The following SPATA17 variants were observed in gnomAD, a reference collection of about 807,000 sequenced individuals.
SPATA17 encodes the protein spermatogenesis associated 17.
In SPATA17, 53 loss-of-function variants were observed where a neutral mutation model predicts 62.2. The observed-to-expected ratio is 0.85, with a 90% CI of 0.68 to 1.07. The LOEUF is 1.07. Ranked by LOEUF, SPATA17 falls within the 50% of genes least tolerant of loss-of-function variation. The pLI is 0.00. For missense variants in SPATA17, 466 were observed against 425.5 expected, an observed-to-expected ratio of 1.10 and a Z score of -0.84; for synonymous variants, 146 against 146.8, an observed-to-expected ratio of 0.99 and a Z score of 0.04.
chr1:217,851,353 T>C (rs1047097753), intron 9 of SPATA17, among the ~76,000 whole-genome samples: 12 of 152,012 alleles, frequency 7.9e-5, no homozygotes, highest in African/African-American at 2.9e-4. Context: ...GTAAGAAAGC[T>C]CCAGGTTCAC....
chr1:217,763,831 T>A (rs1673233624), intron 6 of SPATA17, among the ~76,000 whole-genome samples: 1 of 152,124 alleles, frequency 6.6e-6, no homozygotes, highest in Non-Finnish European at 1.5e-5. Flanking sequence ...GGAAAATCAG[T>A]AGTCATCATG....
At chr1:217,794,981 G>T (rs1674096584) in intron 8 of SPATA17, among the ~76,000 whole-genome samples, 1 of 152,110 alleles carries the variant, frequency 6.6e-6, no homozygotes, top group African/African-American at 2.4e-5. Flanking sequence ...AGTCAATTAT[G>T]ATTTCTCTTT....
At chr1:217,669,848 G>A (rs924832116) in intron 4 of SPATA17, among the ~76,000 whole-genome samples, 2 of 152,136 alleles carry the variant, frequency 1.3e-5, no homozygotes, top group African/African-American at 4.8e-5. Context: ...GAACCATAGT[G>A]GCTAAGTTAA....
chr1:217,669,234 T>G (rs1670780971), intron 4 of SPATA17, 151 bp downstream of exon 4: 3 of 637,596 alleles, frequency 4.7e-6, no homozygotes, highest in Non-Finnish European at 8.0e-6. Context: ...TTAGTTATGC[T>G]AAATAATCTT....
intron 10 of SPATA17, 32 bp downstream of exon 10, chr1:217,862,888 A>C: frequency 6.9e-7 from 1 of 1,440,952 alleles, no homozygotes; most frequent in Non-Finnish European, 9.6e-7. Flanking sequence ...TAATTCAAAA[A>C]GTATATTAAA....
chr1:217,864,622 G>A (rs1675971117), intron 10 of SPATA17, among the ~76,000 whole-genome samples: 1 of 151,730 alleles, frequency 6.6e-6, no homozygotes, highest in Non-Finnish European at 1.5e-5. Context: ...TGTTAATGGT[G>A]GTTATCTCTG....
chr1:217,745,828 C>G (rs12136698), intron 6 of SPATA17, among the ~76,000 whole-genome samples: 69,593 of 151,662 alleles, frequency 0.46, 17,467 homozygotes, highest in Non-Finnish European at 0.58. Context: ...TTATACAGGC[C>G]ATCTCACTGA....
At chr1:217,736,147 A>G (rs1672505631) in intron 5 of SPATA17, among the ~76,000 whole-genome samples, 1 of 152,180 alleles carries the variant, frequency 6.6e-6, no homozygotes, top group Non-Finnish European at 1.5e-5. Flanking sequence ...AAAATCTGCA[A>G]TGCAAGAAAA....
At chr1:217,853,675 G>A (rs776370931) in intron 9 of SPATA17, among the ~76,000 whole-genome samples, 4 of 152,122 alleles carry the variant, frequency 2.6e-5, no homozygotes, top group Admixed American at 6.6e-5. Flanking sequence ...ATAGGATTAC[G>A]TTTCTGCTAG....
chr1:217,809,820 C>T (rs1054855720), intron 9 of SPATA17, among the ~76,000 whole-genome samples: 7 of 152,218 alleles, frequency 4.6e-5, no homozygotes, highest in Non-Finnish European at 1.5e-5. Context: ...ATTCAGCAAT[C>T]AACCTGTTCT....
At chr1:217,782,891 A>C (rs1673765568) in intron 8 of SPATA17, among the ~76,000 whole-genome samples, 2 of 152,008 alleles carry the variant, frequency 1.3e-5, no homozygotes, top group Admixed American at 1.3e-4. Flanking sequence ...TCTCTCTCTT[A>C]AGACACTTTG....
chr1:217,852,217 A>G (rs1011074346), intron 9 of SPATA17, among the ~76,000 whole-genome samples: 1 of 152,206 alleles, frequency 6.6e-6, no homozygotes, highest in Admixed American at 6.5e-5. Context: ...ACCTGCCCAG[A>G]CAATGCATCA....
intron 5 of SPATA17, among the ~76,000 whole-genome samples, chr1:217,696,101 G>A (rs986764308): frequency 3.9e-5 from 6 of 152,316 alleles, no homozygotes; most frequent in Middle Eastern, 3.4e-3. Flanking sequence ...CCTTGCTGCC[G>A]CCTTGCAGTT....
At chr1:217,699,444 C>A (rs1322693908) in intron 5 of SPATA17, among the ~76,000 whole-genome samples, 1 of 152,086 alleles carries the variant, frequency 6.6e-6, no homozygotes, top group Admixed American at 6.6e-5. Flanking sequence ...AATTGCATTT[C>A]CCTAATGACT....
At chr1:217,670,814 G>A (rs1015317830) in intron 4 of SPATA17, among the ~76,000 whole-genome samples, 2 of 151,994 alleles carry the variant, frequency 1.3e-5, no homozygotes, top group Non-Finnish European at 2.9e-5. Context: ...AGCCGGGCAT[G>A]GTCATGGGCA....
At chr1:217,704,463 G>T (rs954577669) in intron 5 of SPATA17, among the ~76,000 whole-genome samples, 1 of 149,474 alleles carries the variant, frequency 6.7e-6, no homozygotes, top group Non-Finnish European at 1.5e-5. Context: ...TGTTAGCCAG[G>T]ATGGTCTCGA....
chr1:217,642,871 A>G (rs541744041), intron 1 of SPATA17, among the ~76,000 whole-genome samples: 8 of 152,292 alleles, frequency 5.3e-5, no homozygotes, highest in Admixed American at 1.3e-4. Flanking sequence ...CTTGTGTAGT[A>G]TCTTTATAGC....
intron 10 of SPATA17, among the ~76,000 whole-genome samples, chr1:217,863,978 CTT>C (rs942995040): frequency 1.8e-4 from 28 of 152,314 alleles, no homozygotes; most frequent in East Asian, 7.7e-4. Context: ...TTATGTTACT[CTT>C]TCCTCTCTCC....
At chr1:217,841,077 G>T (rs1409640820) in intron 9 of SPATA17, among the ~76,000 whole-genome samples, 2 of 151,564 alleles carry the variant, frequency 1.3e-5, no homozygotes, top group East Asian at 3.9e-4. Flanking sequence ...TCTTACAATA[G>T]AATACTTATA....
Sources: allele counts gnomAD v4.1 joint callset (sites outside exome capture counted in the v4.1 genomes callset), GRCh38; gene constraint gnomAD v4.1.1; transcripts MANE v1.5; gene names NCBI Gene and HGNC (gene_info 2026-07-23, HGNC 2026-07-21).